The following SLC35D4 variants were observed in gnomAD, a reference collection of about 807,000 sequenced individuals.
The protein encoded by SLC35D4 is UDP-N-acetylglucosamine transporter SLC35D4.
the SLC35D4 span, chr18:23,352,060 G>T: frequency 1.7e-6 from 1 of 602,240 alleles, no homozygotes. Context: ...TTACCTGAAT[G>T]AAGGAAGGAT....
chr18:23,433,225 A>AAT, the SLC35D4 span, among the ~76,000 whole-genome samples: 1 of 151,946 alleles, frequency 6.6e-6, no homozygotes, highest in East Asian at 2.0e-4. Flanking sequence ...ATGCCCAGCT[A>AAT]ATTTTTGGCT....
At chr18:23,308,725 T>C in the SLC35D4 span, among the ~76,000 whole-genome samples, 1 of 152,168 alleles carries the variant, frequency 6.6e-6, no homozygotes, top group Non-Finnish European at 1.5e-5. Flanking sequence ...CTCAGACAGC[T>C]TAGTGAGGCA....
chr18:23,273,047 T>C, the SLC35D4 span, among the ~76,000 whole-genome samples: 1 of 152,228 alleles, frequency 6.6e-6, no homozygotes, highest in Non-Finnish European at 1.5e-5. Flanking sequence ...AGCCTGGTTT[T>C]ATCTTGTCAA....
At chr18:23,272,387 G>A in the SLC35D4 span, among the ~76,000 whole-genome samples, 2 of 152,168 alleles carry the variant, frequency 1.3e-5, no homozygotes, top group African/African-American at 4.8e-5. Context: ...CAAGGCTGCA[G>A]TGAGCTATGA....
chr18:23,371,930 T>G, the SLC35D4 span, among the ~76,000 whole-genome samples: 605 of 9,976 alleles, frequency 0.061, 49 homozygotes, highest in African/African-American at 0.16. Context: ...TTCCTTGTTT[T>G]TTTTGTTTTT....
chr18:23,409,648 C>G, the SLC35D4 span, among the ~76,000 whole-genome samples: 1 of 152,118 alleles, frequency 6.6e-6, no homozygotes, highest in African/African-American at 2.4e-5. Context: ...CAAGATCAGC[C>G]TGGCCAATGT....
the SLC35D4 span, among the ~76,000 whole-genome samples, chr18:23,337,534 TA>T: frequency 1.9e-4 from 29 of 151,656 alleles, 1 homozygote; most frequent in South Asian, 1.0e-3. Flanking sequence ...TATTCCACGT[TA>T]AAAAAAAATT....
the SLC35D4 span, chr18:23,399,418 A>G: frequency 1.9e-5 from 13 of 677,652 alleles, no homozygotes; most frequent in East Asian, 3.6e-4. Flanking sequence ...TTATCTGATT[A>G]TCTTCAACTC....
chr18:23,246,686 C>T, the SLC35D4 span, among the ~76,000 whole-genome samples: 41 of 151,486 alleles, frequency 2.7e-4, no homozygotes, highest in Admixed American at 4.6e-4. Context: ...CCACCGCACC[C>T]GGCCAGTTTT....
the SLC35D4 span, among the ~76,000 whole-genome samples, chr18:23,392,946 C>A: frequency 6.6e-6 from 1 of 152,094 alleles, no homozygotes; most frequent in Non-Finnish European, 1.5e-5. Context: ...GGCGGAGTCT[C>A]GCTCTGTCTT....
the SLC35D4 span, among the ~76,000 whole-genome samples, chr18:23,314,834 C>A: frequency 2.6e-4 from 39 of 152,234 alleles, no homozygotes; most frequent in Non-Finnish European, 1.3e-4. Flanking sequence ...CAGAGGGGTG[C>A]CAACAACAGC....
At chr18:23,246,537 A>G in the SLC35D4 span, among the ~76,000 whole-genome samples, 17,151 of 151,512 alleles carry the variant, frequency 0.11, 1,264 homozygotes, top group Admixed American at 0.23. Context: ...GACTACAGGC[A>G]CCCGCCACCA....
chr18:23,299,290 G>A, the SLC35D4 span, among the ~76,000 whole-genome samples: 1 of 152,130 alleles, frequency 6.6e-6, no homozygotes, highest in Admixed American at 6.5e-5. Flanking sequence ...AGCCTATGAT[G>A]GACAATCACT....
the SLC35D4 span, among the ~76,000 whole-genome samples, chr18:23,367,293 A>G: frequency 8.0e-4 from 1 of 1,254 alleles, no homozygotes; most frequent in Non-Finnish European, 0.018. Context: ...AAAGCAGGCC[A>G]TTCAGCGCAC....
the SLC35D4 span, among the ~76,000 whole-genome samples, chr18:23,353,681 A>G: frequency 6.6e-6 from 1 of 152,194 alleles, no homozygotes; most frequent in Non-Finnish European, 1.5e-5. Context: ...GAGGCTGAAC[A>G]GCTATGGATT....
the SLC35D4 span, among the ~76,000 whole-genome samples, chr18:23,371,923 C>CTTATTTTTTTTTTT: frequency 2.7e-5 from 3 of 111,542 alleles, no homozygotes; most frequent in African/African-American, 7.1e-5. Flanking sequence ...TTATTTCTTC[C>CTTATTTTTTTTTTT]TTGTTTTTTT....
the SLC35D4 span, among the ~76,000 whole-genome samples, chr18:23,282,455 A>T: frequency 6.6e-6 from 1 of 152,246 alleles, no homozygotes; most frequent in Admixed American, 6.5e-5. Context: ...GGGAGCACGG[A>T]ATGTCTGCCA....
At chr18:23,335,353 G>A in the SLC35D4 span, among the ~76,000 whole-genome samples, 1 of 152,198 alleles carries the variant, frequency 6.6e-6, no homozygotes, top group Non-Finnish European at 1.5e-5. Flanking sequence ...TTTCCCAAGA[G>A]CTGCTTCATC....
chr18:23,364,930 A>AG, the SLC35D4 span, among the ~76,000 whole-genome samples: 2 of 1,718 alleles, frequency 1.2e-3, no homozygotes, highest in Non-Finnish European at 2.4e-3. Flanking sequence ...AAAAAAAAAA[A>AG]AAAGGACTCC....
Sources: allele counts gnomAD v4.1 joint callset (sites outside exome capture counted in the v4.1 genomes callset), GRCh38; gene constraint gnomAD v4.1.1; transcripts MANE v1.5; gene names NCBI Gene and HGNC (gene_info 2026-07-23, HGNC 2026-07-21).